Variants in SUSD4 observed in about 807,000 individuals in gnomAD.
SUSD4 encodes sushi domain containing 4.
Under a neutral mutation model 50.5 loss-of-function variants are expected in SUSD4, and 41 were observed. The observed-to-expected ratio is 0.81, with a 90% confidence interval of 0.63 to 1.05. The LOEUF (loss-of-function observed/expected upper bound fraction) is 1.05, where lower values mean the gene tolerates loss of function less well. Ranked by LOEUF, SUSD4 falls within the 50% of genes least tolerant of loss-of-function variation. SUSD4 has a pLI of 0.00. For missense variants in SUSD4, 580 were observed against 634.7 expected, an observed-to-expected ratio of 0.91 and a Z score of 0.93; for synonymous variants, 257 against 257.3, an observed-to-expected ratio of 1.00 and a Z score of 0.01.
At chr1:223,345,154 C>T (rs921720914) in intron 2 of SUSD4, among the ~76,000 whole-genome samples, 1 of 152,196 alleles carries the variant, frequency 6.6e-6, no homozygotes, top group African/African-American at 2.4e-5. Context: ...TGCTCACAAA[C>T]ATACAGTGAA....
chr1:223,221,920 C>T lies in SUSD4; in HGVS notation c.*272G>A. Reference sequence around the variant, plus strand: ...GTCCCATGTTCCACAGCACGATACACATTTAACACCCCTCATCCAAGACCA... The same window carrying T: ...GTCCCATGTTCCACAGCACGATACATATTTAACACCCCTCATCCAAGACCA... On this transcript the variant is annotated 3_prime_UTR_variant, in exon 9 of 9. Coordinates refer to ENST00000366878, the MANE Select transcript of SUSD4 (RefSeq NM_017982.4). 1 of 426,180 alleles carries T rather than the reference C, an allele frequency of 2.3e-6. No individual in the cohort carries two copies. Among genetic ancestry groups the T allele is most frequent in the East Asian group, 3.8e-5 (1 of 26,580 alleles). 26.4% of individuals were successfully genotyped at this position (426,180 alleles called of 1,614,324 possible).
chr1:223,325,834 C>T (rs562898378), intron 2 of SUSD4, among the ~76,000 whole-genome samples: 40 of 151,984 alleles, frequency 2.6e-4, no homozygotes, highest in African/African-American at 5.1e-4. Flanking sequence ...GATCTCCCTA[C>T]GGAGAACTAT....
intron 2 of SUSD4, among the ~76,000 whole-genome samples, chr1:223,323,562 G>C (rs1666710344): frequency 6.6e-6 from 1 of 152,158 alleles, no homozygotes; most frequent in Non-Finnish European, 1.5e-5. Context: ...TGGAGACAGG[G>C]ATGGGGGCTT....
At chr1:223,278,401 C>T (rs1663434136) in intron 3 of SUSD4, among the ~76,000 whole-genome samples, 1 of 152,188 alleles carries the variant, frequency 6.6e-6, no homozygotes, top group Non-Finnish European at 1.5e-5. Context: ...TAGCAAACGG[C>T]ACACCAGGAG....
rs142212188 is a variant in SUSD4 at position 223,259,898 on chromosome 1, C to T, written c.724+4732G>A. Among the ~76,000 whole-genome samples the T allele has an allele frequency of 1.1e-3, 169 of 152,252 alleles. 2 individuals are homozygous for T. Among genetic ancestry groups the T allele is most frequent in the African/African-American group, 3.9e-3 (161 of 41,556 alleles). ...CTCTCACACACACTAGGGCAGGCTG[C>T]GTCTATACCGATGAGCTCCACCACA... On this transcript the variant is annotated intron_variant, in intron 5 of 8. Transcript: ENST00000366878.
chr1:223,314,904 C>G (rs1481296318), intron 2 of SUSD4, among the ~76,000 whole-genome samples: 1 of 152,232 alleles, frequency 6.6e-6, no homozygotes, highest in African/African-American at 2.4e-5. Context: ...CTGACAGTGT[C>G]TGATGAGATC....
In SUSD4 at chr1:223,264,749, A is replaced by G. The variant is rs763317312; in HGVS notation, c.605T>C (p.Val202Ala). ...NISELQTSFP[V>A]GTVISYRCFP... ...GCAGCGATAGGAGATCACAGTCCCCACCGGGAAGGAGGTCTGGAGCTCAGA... is the reference window on the plus strand; with the variant it reads ...GCAGCGATAGGAGATCACAGTCCCCGCCGGGAAGGAGGTCTGGAGCTCAGA... Residue 202 changes from valine (V) to alanine (A), a missense_variant, in exon 5 of 9, where the codon GTG (valine) becomes GCG (alanine). Physicochemically the swap from Val to Ala is moderately conservative, Grantham distance 64. Coordinates refer to ENST00000366878, the MANE Select transcript of SUSD4 (RefSeq NM_017982.4). 17 of 1,614,086 alleles carry G rather than the reference A, an allele frequency of 1.1e-5. No homozygotes were observed. Among genetic ancestry groups the G allele is most frequent in the Non-Finnish European group, 1.1e-5 (13 of 1,180,034 alleles).
chr1:223,310,736 T>A (rs537589201), intron 2 of SUSD4, among the ~76,000 whole-genome samples: 34 of 152,300 alleles, frequency 2.2e-4, no homozygotes, highest in African/African-American at 7.2e-4. Context: ...AAGAAAAAAA[T>A]GCTATTTAAA....
chr1:223,354,515 C>T (rs1668549952), intron 2 of SUSD4, among the ~76,000 whole-genome samples: 1 of 152,144 alleles, frequency 6.6e-6, no homozygotes, highest in Non-Finnish European at 1.5e-5. Flanking sequence ...TGTACATTTC[C>T]AAAATATTAC....
chr1:223,252,735 C>T (rs942626923), intron 5 of SUSD4, among the ~76,000 whole-genome samples: 6 of 151,070 alleles, frequency 4.0e-5, no homozygotes, highest in Admixed American at 2.0e-4. Flanking sequence ...TTTTTAAACT[C>T]CAGTCATGCT....
intron 2 of SUSD4, among the ~76,000 whole-genome samples, chr1:223,330,842 C>A (rs1667133394): frequency 6.6e-6 from 1 of 152,142 alleles, no homozygotes; most frequent in Admixed American, 6.5e-5. Flanking sequence ...GGTGGGACAG[C>A]CCCATGTAGT....
chr1:223,289,558 A>T (rs1350420684), intron 3 of SUSD4, among the ~76,000 whole-genome samples: 2 of 152,182 alleles, frequency 1.3e-5, no homozygotes, highest in African/African-American at 2.4e-5. Context: ...AATGGATATG[A>T]ACTTAGTTTT....
At chr1:223,354,606 G>A (rs1197698067) in intron 2 of SUSD4, among the ~76,000 whole-genome samples, 3 of 152,084 alleles carry the variant, frequency 2.0e-5, no homozygotes, top group Non-Finnish European at 4.4e-5. Context: ...TGCTATAACC[G>A]AAACATACAG....
chr1:223,254,617 T>C (rs1661564474), intron 5 of SUSD4, among the ~76,000 whole-genome samples: 1 of 152,104 alleles, frequency 6.6e-6, no homozygotes, highest in Non-Finnish European at 1.5e-5. Flanking sequence ...AACTTGGATC[T>C]ACTTGAAAAA....
rs1665167592 is a variant in SUSD4, at chr1:223,301,177, A to G, written c.149-8526T>C. Reference sequence around the variant, plus strand: ...CAGTTTAACATGTTTTTGAGTCCTTATATCTGTTAAAACAGGGCTGAGCAA... The same window carrying G: ...CAGTTTAACATGTTTTTGAGTCCTTGTATCTGTTAAAACAGGGCTGAGCAA... On this transcript the variant is annotated intron_variant, in intron 2 of 8. Coordinates refer to ENST00000366878, the MANE Select transcript of SUSD4 (RefSeq NM_017982.4). 2.0e-5 allele frequency among the ~76,000 whole-genome samples: 3 copies of G among 152,198 alleles called. No homozygotes were observed. In the South Asian group the frequency reaches 6.2e-4, roughly 32 times the overall value.
At chr1:223,258,475 T>A (rs1409516012) in intron 5 of SUSD4, among the ~76,000 whole-genome samples, 1 of 151,702 alleles carries the variant, frequency 6.6e-6, no homozygotes, top group East Asian at 1.9e-4. Context: ...TGCTGTCTGA[T>A]GAAAACTACA....
chr1:223,223,753 G>C (rs1659302173), intron 7 of SUSD4, 122 bp from the exon 8 acceptor site: 2 of 1,230,350 alleles, frequency 1.6e-6, no homozygotes, highest in Admixed American at 3.0e-5. Context: ...GTCCCGTATG[G>C]AGGATAATAT....
intron 3 of SUSD4, among the ~76,000 whole-genome samples, chr1:223,282,897 G>C (rs1277500375): frequency 1.3e-5 from 2 of 152,132 alleles, no homozygotes; most frequent in Non-Finnish European, 2.9e-5. Context: ...CAGAGATATA[G>C]ACCAATGGAA....
intron 3 of SUSD4, among the ~76,000 whole-genome samples, chr1:223,275,171 C>T (rs575903536): frequency 2.0e-5 from 3 of 152,178 alleles, no homozygotes; most frequent in Admixed American, 1.3e-4. Flanking sequence ...GGGGAGTGAA[C>T]GACTAAACAT....
Sources: gnomAD v4.1 joint callset for allele counts (sites outside exome capture counted in the v4.1 genomes callset) on GRCh38, gnomAD v4.1.1 for gene constraint, MANE v1.5 for transcripts, NCBI Gene and HGNC (gene_info 2026-07-23, HGNC 2026-07-21) for gene names.